Variants in GSPT1 observed in about 807,000 individuals in gnomAD.
GSPT1 encodes G1 to S phase transition 1, also known as eukaryotic peptide chain release factor GTP-binding subunit ERF3A.
A neutral mutation model predicts 72.5 loss-of-function variants in GSPT1; 20 were observed. That is an observed-to-expected ratio of 0.28 (90% CI 0.19 to 0.40). The LOEUF (loss-of-function observed/expected upper bound fraction) is 0.40. Among genes scored for constraint, GSPT1 ranks in the 10% least tolerant of loss-of-function variants. The pLI, the probability that GSPT1 is intolerant of heterozygous loss-of-function variation, is 1.00. For missense variants in GSPT1, 580 were observed against 811.9 expected (o/e 0.71, Z 3.47); for synonymous variants, 334 against 293.5 (o/e 1.14, Z -1.41).
chr16:11,885,067 C>CA lies in GSPT1; in HGVS notation c.1347+113dup, dbSNP rs34407036. 4,669 of 520,632 alleles carry CA rather than the reference C, an allele frequency of 9.0e-3. 1 individual carries two copies. The highest frequency in any genetic ancestry group is 0.013 in the Middle Eastern group (23 of 1,826). 32.3% of individuals were successfully genotyped at this position (520,632 alleles called of 1,614,324 possible). On this transcript the variant is annotated intron_variant, in intron 10 of 14. Transcript: ENST00000434724. ...TGGGGGACAGAGTGCAAGATTCTGT[C>CA]AAAAAAAAAACAAGAAAGAAAAGAA...
At chr16:11,912,114 G>A (rs33624) in intron 1 of GSPT1, among the ~76,000 whole-genome samples, 40,718 of 147,158 alleles carry the variant, frequency 0.28, 6,701 homozygotes, top group East Asian at 0.62. Context: ...AGGCCAAGGC[G>A]GGCAGATCAC....
At chr16:11,907,924 A>C (rs958486978) in intron 1 of GSPT1, among the ~76,000 whole-genome samples, 1 of 152,250 alleles carries the variant, frequency 6.6e-6, no homozygotes, top group African/African-American at 2.4e-5. Context: ...AGACAGTCTT[A>C]TGAGCTACAA....
chr16:11,885,146 C>A, intron 10 of GSPT1, 35 bp downstream of exon 10: 1 of 964,348 alleles, frequency 1.0e-6, no homozygotes, highest in Non-Finnish European at 1.7e-6. Context: ...GATTTCCCCT[C>A]CCAGGAAACC....
intron 10 of GSPT1, among the ~76,000 whole-genome samples, chr16:11,883,973 T>C (rs570702582): frequency 2.6e-5 from 4 of 152,054 alleles, no homozygotes; most frequent in East Asian, 3.9e-4. Flanking sequence ...TCTGAACTGT[T>C]TGTACAAATT....
At position 11,883,820 on chromosome 16, in the gene GSPT1, T is replaced by C. The variant is rs529408949; in HGVS notation, c.1348-725A>G. On this transcript the variant is annotated intron_variant, in intron 10 of 14. Transcript: ENST00000434724. ...CCCAGCTACTCGGAAGGCTGAGGCA[T>C]GAGAATCGCTTGAACCCAGGAGGCG... is the stretch of plus-strand genomic sequence containing the variant. Among the ~76,000 whole-genome samples the C allele has an allele frequency of 2.0e-4, 29 of 148,396 alleles. 1 individual carries two copies. In the South Asian group the frequency reaches 5.5e-3, roughly 28 times the overall value.
chr16:11,900,240 G>T (rs1186926919), intron 1 of GSPT1, among the ~76,000 whole-genome samples: 1 of 151,806 alleles, frequency 6.6e-6, no homozygotes, highest in Non-Finnish European at 1.5e-5. Flanking sequence ...GGCCAAGGCA[G>T]GAGAATCGCT....
chr16:11,915,164 T>G, intron 1 of GSPT1: 1 of 1,032,884 alleles, frequency 9.7e-7, no homozygotes, highest in South Asian at 4.2e-5. Flanking sequence ...CGCTGCCCGC[T>G]GTCCGCTCCC....
intron 1 of GSPT1, among the ~76,000 whole-genome samples, chr16:11,903,630 G>A (rs1387623580): frequency 6.6e-6 from 1 of 152,172 alleles, no homozygotes; most frequent in Non-Finnish European, 1.5e-5. Context: ...GAGGGAGGCT[G>A]CAGTGAACCA....
chr16:11,888,810 C>T (rs1174337649), intron 6 of GSPT1, among the ~76,000 whole-genome samples: 1 of 152,100 alleles, frequency 6.6e-6, no homozygotes, highest in Non-Finnish European at 1.5e-5. Context: ...TATTTTGATT[C>T]AAACCCTTAG....
intron 1 of GSPT1, 95 bp from the exon 2 acceptor site, chr16:11,898,130 C>T (rs184334784): frequency 3.6e-5 from 27 of 754,858 alleles, no homozygotes; most frequent in East Asian, 5.4e-5. Context: ...TTCAATAACA[C>T]GACACAAGCC....
chr16:11,885,614 G>A (rs61602378), intron 9 of GSPT1, among the ~76,000 whole-genome samples: 5,417 of 152,220 alleles, frequency 0.036, 326 homozygotes, highest in African/African-American at 0.12. Context: ...AGTATTGGCT[G>A]CGTGCAGTGG....
upstream of GSPT1, among the ~76,000 whole-genome samples, chr16:11,916,274 G>C (rs1488153188): frequency 6.6e-6 from 1 of 152,072 alleles, no homozygotes; most frequent in Non-Finnish European, 1.5e-5. Context: ...CCTGTCACCT[G>C]GTGGGGGGGC....
intron 1 of GSPT1, among the ~76,000 whole-genome samples, chr16:11,898,444 T>C (rs1723498802): frequency 7.3e-6 from 1 of 136,506 alleles, no homozygotes; most frequent in African/African-American, 3.3e-5. Context: ...ATTAGCCCTT[T>C]TTTTTTTTTT....
chr16:11,913,396 G>A (rs1260542029), intron 1 of GSPT1, among the ~76,000 whole-genome samples: 1 of 152,180 alleles, frequency 6.6e-6, no homozygotes, highest in Admixed American at 6.5e-5. Flanking sequence ...CATGCTGTAC[G>A]GATTCTCTTA....
chr16:11,908,862 A>G (rs1352649533), intron 1 of GSPT1: 1 of 152,230 alleles, frequency 6.6e-6, no homozygotes, highest in Non-Finnish European at 1.5e-5. Context: ...AGGCAGGAGA[A>G]TCGCTTGAAC....
chr16:11,888,203 C>T lies in GSPT1; in HGVS notation c.777-453G>A, dbSNP rs151300947. On this transcript the variant is annotated intron_variant, in intron 6 of 14. Transcript: ENST00000434724. ...GAATAGGGCTGGGCGCAGTGGCTCA[C>T]GCCTGTAATCCCAGCACTTTGGGAG... Among the ~76,000 whole-genome samples the T allele has an allele frequency of 9.2e-3, 1,402 of 152,070 alleles. 22 individuals carry two copies. Among genetic ancestry groups the T allele is most frequent in the African/African-American group, 0.032 (1,331 of 41,466 alleles).
intron 12 of GSPT1, among the ~76,000 whole-genome samples, chr16:11,876,730 A>G (rs1466087925): frequency 6.6e-6 from 1 of 152,146 alleles, no homozygotes; most frequent in Non-Finnish European, 1.5e-5. Context: ...GTGACAGAGC[A>G]AGACCCCATC....
chr16:11,894,477 C>T (rs1031507159), intron 5 of GSPT1, among the ~76,000 whole-genome samples: 1 of 152,062 alleles, frequency 6.6e-6, no homozygotes, highest in Non-Finnish European at 1.5e-5. Context: ...AACAGTTCCC[C>T]CATTCACCAG....
At position 11,915,725 on chromosome 16, in the gene GSPT1, G is replaced by C; in HGVS notation, c.-5C>G. ...GCCGCCACTGCCCGGATCCATGATC[G>C]GGGGGGCCGTGTGTGTGGTGGACAG... On this transcript the variant is annotated 5_prime_UTR_variant, in exon 1 of 15. Transcript: ENST00000434724. 1 of 1,512,214 alleles carries C rather than the reference G, an allele frequency of 6.6e-7. No individual in the cohort carries two copies. The highest frequency in any genetic ancestry group is 8.8e-7 in the Non-Finnish European group (1 of 1,136,718). 93.7% of individuals were successfully genotyped at this position (1,512,214 alleles called of 1,614,324 possible).
Sources: gnomAD v4.1 joint callset for allele counts (sites outside exome capture counted in the v4.1 genomes callset) on GRCh38, gnomAD v4.1.1 for gene constraint, MANE v1.5 for transcripts, NCBI Gene and HGNC (gene_info 2026-07-23, HGNC 2026-07-21) for gene names.